OTOA: variants seen among roughly 807,000 people sequenced by gnomAD.
OTOA encodes otoancorin.
OTOA carries 70 observed loss-of-function variants against 110.8 expected under a neutral mutation model. The ratio of observed to expected loss-of-function variants is 0.63; its 90% CI spans 0.52 to 0.77. The LOEUF is 0.77. OTOA is among the 30% of genes least tolerant of loss of function. The pLI, the probability that OTOA is intolerant of heterozygous loss-of-function variation, is 0.00. For missense variants in OTOA, 917 were observed against 1,075.8 expected (o/e 0.85, Z 2.06); for synonymous variants, 373 against 431.5 (o/e 0.86, Z 1.68).
rs1420071699 is a variant in OTOA, at chr16:21,697,759, TC to T, written c.740-15del. ...TTATGTATGTACTCATTTATTCATT[TC>T]TTTATTTTTTGTAGATGACTCTGCT... On this transcript the variant is annotated splice_polypyrimidine_tract_variant and intron_variant, in intron 9 of 28. Transcript: ENST00000646100. The T allele has an allele frequency of 6.2e-7, 1 of 1,611,266 alleles. No individual in the cohort carries two copies. Among genetic ancestry groups the T allele is most frequent in the Admixed American group, 1.7e-5 (1 of 60,020 alleles).
chr16:21,676,589 C>A (rs370562992), intron 1 of OTOA, among the ~76,000 whole-genome samples: 1 of 152,162 alleles, frequency 6.6e-6, no homozygotes, highest in Admixed American at 6.5e-5. Context: ...GATTGTTCTG[C>A]CTACTGGTGG....
At chr16:21,749,968 A>G (rs1229617640) in intron 24 of OTOA, among the ~76,000 whole-genome samples, 1,326 of 143,998 alleles carry the variant, frequency 9.2e-3, no homozygotes, top group Non-Finnish European at 0.015. Context: ...TACAGGTGTG[A>G]GCCACCGTGC....
In OTOA at chr16:21,715,000, A is replaced by G. The variant is rs1335100852; in HGVS notation, c.1336A>G (p.Asn446Asp). Reference protein sequence around the residue: ...LAHEKVLSFYNVSQMGALLAG... With the variant: ...LAHEKVLSFYDVSQMGALLAG... ...CCTCTTCCAGGTGCTGTCTTTCTAC[A>G]ATGTCAGCCAGATGGGCGCACTGCT... The change falls in exon 14 of 29, where the codon AAT becomes GAT. Residue 446 changes from asparagine to aspartate, a missense_variant. By Grantham distance (23) the Asn-to-Asp change is conservative. This residue lies in a region of OTOA where 840 missense variants were observed against 910.2 expected (regional missense o/e 0.92). Coordinates refer to ENST00000646100, the MANE Select transcript of OTOA (RefSeq NM_144672.4). 2.5e-6 allele frequency: 4 copies of G among 1,614,022 alleles called. 1 individual carries two copies. Among genetic ancestry groups the G allele is most frequent in the East Asian group, 2.2e-5 (1 of 44,896 alleles).
At chr16:21,711,556 G>A (rs1035245468) in intron 13 of OTOA, among the ~76,000 whole-genome samples, 6 of 152,042 alleles carry the variant, frequency 3.9e-5, no homozygotes, top group African/African-American at 7.2e-5. Flanking sequence ...TGCAACCTCC[G>A]CCTCCGGGTT....
At chr16:21,707,753 TTCCCTCCC>T (rs1487305667) in intron 12 of OTOA, among the ~76,000 whole-genome samples, 1 of 104,564 alleles carries the variant, frequency 9.6e-6, no homozygotes, top group African/African-American at 3.8e-5. Context: ...TCTTTCCTCC[TTCCCTCCC>T]TCCCTCCCCC....
intron 28 of OTOA, among the ~76,000 whole-genome samples, chr16:21,757,615 C>CTATTATTAT (rs557683434): frequency 6.7e-6 from 1 of 149,864 alleles, no homozygotes; most frequent in African/African-American, 2.5e-5. Flanking sequence ...TAATAATGAA[C>CTATTATTAT]TATTATTATT....
At chr16:21,674,067 G>C (rs1404339518) in intron 1 of OTOA, among the ~76,000 whole-genome samples, 1 of 152,218 alleles carries the variant, frequency 6.6e-6, no homozygotes, top group Non-Finnish European at 1.5e-5. Context: ...AAAGTGCTGG[G>C]ATTATAGGCG....
intron 9 of OTOA, among the ~76,000 whole-genome samples, chr16:21,695,891 A>ATATTTTTTTTTTTTTT (rs569493650): frequency 2.4e-5 from 1 of 41,900 alleles, no homozygotes; most frequent in Non-Finnish European, 3.7e-5. Flanking sequence ...ATATATATAT[A>ATATTTTTTTTTTTTTT]TTTTTTTTTT....
At chr16:21,714,390 T>C (rs1254923449) in intron 13 of OTOA, among the ~76,000 whole-genome samples, 2 of 80,034 alleles carry the variant, frequency 2.5e-5, no homozygotes, top group African/African-American at 9.5e-5. Flanking sequence ...TCTCTTTCTC[T>C]CTTTCTTTCT....
At chr16:21,698,728 C>A (rs1481290779) in intron 10 of OTOA, among the ~76,000 whole-genome samples, 1 of 152,126 alleles carries the variant, frequency 6.6e-6, no homozygotes, top group Admixed American at 6.6e-5. Flanking sequence ...AAGTGTCTTC[C>A]GATTTTTATA....
In OTOA at chr16:21,719,447, C is replaced by A. The variant is rs769314772; in HGVS notation, c.1749C>A (p.Phe583Leu). Residue 583 changes from phenylalanine to leucine, a missense_variant, in exon 17 of 29, where the codon TTC becomes TTA. This residue lies in a region of OTOA where 840 missense variants were observed against 910.2 expected (regional missense o/e 0.92). Coordinates refer to ENST00000646100, the MANE Select transcript of OTOA (RefSeq NM_144672.4). ...ACATTGATGCCATGAGCACTGACTT[C>A]TTTCTGGCCCATTTCCAGGATTTTC... The part of the protein sequence containing the change: ...CSHIDAMSTD[F>L]FLAHFQDFQN... 6.2e-7 allele frequency: 1 copy of A among 1,614,184 alleles called. No homozygotes were observed. Among genetic ancestry groups the A allele is most frequent in the African/African-American group, 1.3e-5 (1 of 75,050 alleles).
chr16:21,700,686 C>G (rs1004073944), intron 10 of OTOA, among the ~76,000 whole-genome samples: 3 of 146,804 alleles, frequency 2.0e-5, no homozygotes, highest in African/African-American at 7.6e-5. Context: ...GATCATGTCA[C>G]TGCACTCCAG....
At chr16:21,713,138 A>G (rs1350399713) in intron 13 of OTOA, among the ~76,000 whole-genome samples, 3 of 151,690 alleles carry the variant, frequency 2.0e-5, no homozygotes, top group African/African-American at 7.3e-5. Context: ...TGATTTTTGT[A>G]TTTTTTTGTA....
intron 1 of OTOA, among the ~76,000 whole-genome samples, chr16:21,670,151 C>T (rs770854910): frequency 7.3e-5 from 11 of 151,378 alleles, no homozygotes; most frequent in Non-Finnish European, 1.3e-4. Context: ...AAAACAAAAA[C>T]AAGTCAGAGC....
intron 28 of OTOA, among the ~76,000 whole-genome samples, chr16:21,757,657 C>A (rs1200575327): frequency 6.6e-6 from 1 of 150,984 alleles, no homozygotes. Flanking sequence ...CTCGCCCTGT[C>A]GCCCAGGCTG....
At chr16:21,669,616 C>T (rs1280747527) in intron 1 of OTOA, among the ~76,000 whole-genome samples, 1 of 152,106 alleles carries the variant, frequency 6.6e-6, no homozygotes, top group Non-Finnish European at 1.5e-5. Flanking sequence ...AAATCCTTGG[C>T]GTTGTCTTTG....
chr16:21,670,083 G>A (rs1966847056), intron 1 of OTOA, among the ~76,000 whole-genome samples: 1 of 152,014 alleles, frequency 6.6e-6, no homozygotes, highest in Non-Finnish European at 1.5e-5. Flanking sequence ...CTGAGATTGT[G>A]CCACTGCACT....
intron 6 of OTOA, 64 bp downstream of exon 6, chr16:21,681,889 C>T (rs1966898926): frequency 2.0e-6 from 3 of 1,485,652 alleles, no homozygotes; most frequent in Non-Finnish European, 1.9e-6. Flanking sequence ...AACTCAGGGG[C>T]CAGGTAAGTT....
At chr16:21,735,070 G>A (rs1215194548) in intron 21 of OTOA, among the ~76,000 whole-genome samples, 2 of 151,354 alleles carry the variant, frequency 1.3e-5, no homozygotes, top group Admixed American at 1.3e-4. Context: ...GAGCCTGGGA[G>A]GTGGAGGTTG....
Sources: gnomAD v4.1 joint callset for allele counts (sites outside exome capture counted in the v4.1 genomes callset) on GRCh38, gnomAD v4.1.1 for gene constraint, gnomAD v4.1.1 regional missense constraint, MANE v1.5 for transcripts, NCBI Gene and HGNC (gene_info 2026-07-23, HGNC 2026-07-21) for gene names.